ZNF704: variants seen among roughly 807,000 people sequenced by gnomAD.
ZNF704 encodes the protein zinc finger protein 704.
Under a neutral mutation model 44.7 loss-of-function variants are expected in ZNF704, and 10 were observed. The ratio of observed to expected loss-of-function variants is 0.22; its 90% confidence interval spans 0.14 to 0.38. ZNF704 has a LOEUF of 0.38. Among genes scored for constraint, ZNF704 ranks in the 10% least tolerant of loss-of-function variants. ZNF704 has a pLI of 1.00. For synonymous variants in ZNF704, 211 were observed against 207.6 expected (o/e 1.02, Z -0.14); for missense variants, 390 against 545.5 (o/e 0.71, Z 2.84).
At chr8:80,764,572 T>C (rs1036283705) in intron 2 of ZNF704, among the ~76,000 whole-genome samples, 7 of 152,226 alleles carry the variant, frequency 4.6e-5, no homozygotes, top group African/African-American at 1.7e-4. Flanking sequence ...GGGAGATTTT[T>C]TGTGTTTTTC....
At chr8:80,741,297 G>C (rs766222002) in intron 2 of ZNF704, among the ~76,000 whole-genome samples, 1 of 152,200 alleles carries the variant, frequency 6.6e-6, no homozygotes, top group Non-Finnish European at 1.5e-5. Flanking sequence ...AAGCCCCAGT[G>C]TTAAGCTTGC....
In ZNF704 at chr8:80,780,993, A is replaced by T. The variant is rs577690537; in HGVS notation, c.221+40381T>A. On this transcript the variant is annotated intron_variant, in intron 2 of 8. Coordinates refer to ENST00000327835, the MANE Select transcript of ZNF704 (RefSeq NM_001033723.3). Reference sequence around the variant, plus strand: ...AAGTGCTTAGAAACTGATCCACATAATTTATACAGTCTGTAGCAAAATTAC... The same window carrying T: ...AAGTGCTTAGAAACTGATCCACATATTTTATACAGTCTGTAGCAAAATTAC... Among the ~76,000 whole-genome samples, 3 of 152,326 alleles carry T rather than the reference A, an allele frequency of 2.0e-5. No homozygotes were observed. In the South Asian group the frequency reaches 6.2e-4, roughly 32 times the overall value.
At chr8:80,802,318 C>T (rs1053347547) in intron 2 of ZNF704, among the ~76,000 whole-genome samples, 8 of 152,090 alleles carry the variant, frequency 5.3e-5, no homozygotes, top group Non-Finnish European at 7.3e-5. Flanking sequence ...GGAGGGACTC[C>T]TCCCTAACTC....
intron 1 of ZNF704, 105 bp from the exon 2 acceptor site, chr8:80,821,720 A>G (rs1442776513): frequency 1.0e-5 from 8 of 789,910 alleles, no homozygotes; most frequent in Admixed American, 8.1e-5. Context: ...CTTCCTGTTC[A>G]TCTGAAAGAT....
chr8:80,848,213 T>C (rs1275080443), intron 1 of ZNF704, among the ~76,000 whole-genome samples: 1 of 152,106 alleles, frequency 6.6e-6, no homozygotes, highest in Non-Finnish European at 1.5e-5. Flanking sequence ...GGAAAACAGA[T>C]TAGTTATCCC....
intron 1 of ZNF704, among the ~76,000 whole-genome samples, chr8:80,852,052 C>T (rs1013978329): frequency 6.6e-6 from 1 of 152,156 alleles, no homozygotes; most frequent in Non-Finnish European, 1.5e-5. Context: ...AGAGGGTAAT[C>T]CCACTCACAG....
chr8:80,823,241 TGG>T (rs1808309606), intron 1 of ZNF704, among the ~76,000 whole-genome samples: 3 of 152,204 alleles, frequency 2.0e-5, no homozygotes, highest in Non-Finnish European at 4.4e-5. Flanking sequence ...GCTTTTCCAA[TGG>T]CCTTAGCAAA....
At chr8:80,836,623 A>G (rs867339051) in intron 1 of ZNF704, among the ~76,000 whole-genome samples, 29 of 152,094 alleles carry the variant, frequency 1.9e-4, no homozygotes, top group Middle Eastern at 3.4e-3. Context: ...CAAAAAATTA[A>G]AAAATTAGCT....
At chr8:80,709,820 C>G (rs1336549351) in intron 2 of ZNF704, among the ~76,000 whole-genome samples, 5 of 152,148 alleles carry the variant, frequency 3.3e-5, no homozygotes, top group Non-Finnish European at 7.4e-5. Context: ...TCGGTGGCTG[C>G]CGTGGATCTG....
upstream of ZNF704, among the ~76,000 whole-genome samples, chr8:80,878,942 C>T (rs573160496): frequency 6.6e-6 from 1 of 152,186 alleles, no homozygotes; most frequent in East Asian, 1.9e-4. Flanking sequence ...TCAGTTTAGT[C>T]ATCTCATATT....
At chr8:80,840,931 C>A (rs1324879420) in intron 1 of ZNF704, among the ~76,000 whole-genome samples, 1 of 152,170 alleles carries the variant, frequency 6.6e-6, no homozygotes, top group Non-Finnish European at 1.5e-5. Flanking sequence ...AGCAGACTTC[C>A]CTAGCTGGCT....
At chr8:80,825,323 C>T (rs59286158) in intron 1 of ZNF704, among the ~76,000 whole-genome samples, 32,177 of 151,992 alleles carry the variant, frequency 0.21, 4,743 homozygotes, top group African/African-American at 0.42. Context: ...ACAAAAGAGA[C>T]AAGGAAGGCC....
At chr8:80,774,262 G>T (rs936799435) in intron 2 of ZNF704, among the ~76,000 whole-genome samples, 4 of 152,098 alleles carry the variant, frequency 2.6e-5, no homozygotes, top group African/African-American at 7.2e-5. Flanking sequence ...TAGAGATGGG[G>T]TCTCTTTATG....
chr8:80,863,168 T>G (rs1433429600), intron 1 of ZNF704, among the ~76,000 whole-genome samples: 1 of 152,206 alleles, frequency 6.6e-6, no homozygotes, highest in Non-Finnish European at 1.5e-5. Flanking sequence ...TTTCCACTTT[T>G]TCTAATATTT....
At chr8:80,808,652 T>TATTCACAATAGCAAAGACGTGAAATCAA (rs1554583551) in intron 2 of ZNF704, among the ~76,000 whole-genome samples, 28 of 152,322 alleles carry the variant, frequency 1.8e-4, no homozygotes. Flanking sequence ...TCATGGTCCC[T>TATTCACAATAGCAAAGACGTGAAATCAA]CCTTACAAAT....
At chr8:80,835,349 G>C (rs536774825) in intron 1 of ZNF704, among the ~76,000 whole-genome samples, 2 of 152,252 alleles carry the variant, frequency 1.3e-5, no homozygotes, top group African/African-American at 4.8e-5. Context: ...AGTTTATCTT[G>C]CCAAGGTTAA....
At chr8:80,747,083 G>A (rs796073818) in intron 2 of ZNF704, among the ~76,000 whole-genome samples, 15 of 152,074 alleles carry the variant, frequency 9.9e-5, no homozygotes, top group African/African-American at 3.6e-4. Flanking sequence ...CTGCTTCCTC[G>A]ATCCCAATGC....
intron 1 of ZNF704, among the ~76,000 whole-genome samples, chr8:80,852,156 T>TCTA (rs1206439788): frequency 6.6e-6 from 1 of 152,168 alleles, no homozygotes; most frequent in African/African-American, 2.4e-5. Flanking sequence ...CTTTGCACAT[T>TCTA]AAGGATAGAA....
At chr8:80,820,589 T>C (rs1179828429) in intron 2 of ZNF704, among the ~76,000 whole-genome samples, 1 of 152,134 alleles carries the variant, frequency 6.6e-6, no homozygotes, top group Non-Finnish European at 1.5e-5. Context: ...TCGCCTATTC[T>C]TCATTTCTTT....
Sources: gnomAD v4.1 joint callset for allele counts (sites outside exome capture counted in the v4.1 genomes callset) on GRCh38, gnomAD v4.1.1 for gene constraint, MANE v1.5 for transcripts, NCBI Gene and HGNC (gene_info 2026-07-23, HGNC 2026-07-21) for gene names.